The following GABBR2 variants were observed in gnomAD, a reference collection of about 807,000 sequenced individuals.
GABBR2 encodes the protein G-protein coupled receptor 51.
A neutral mutation model predicts 105.6 loss-of-function variants in GABBR2; 23 were observed. That is an observed-to-expected ratio of 0.22 (90% CI 0.16 to 0.31). The LOEUF (loss-of-function observed/expected upper bound fraction) is 0.31, where lower values mean the gene tolerates loss of function less well. GABBR2 is among the 10% of genes least tolerant of loss of function. The pLI, the probability that GABBR2 is intolerant of heterozygous loss-of-function variation, is 1.00. For missense variants in GABBR2, 734 were observed against 1,245.5 expected (o/e 0.59, Z 6.18); for synonymous variants, 478 against 499.7 (o/e 0.96, Z 0.58).
chr9:98,323,870 C>T (rs989501826), intron 13 of GABBR2, among the ~76,000 whole-genome samples: 3 of 152,184 alleles, frequency 2.0e-5, no homozygotes, highest in African/African-American at 7.2e-5. Context: ...AACTAGAGTG[C>T]GAAGATTCTC....
chr9:98,601,971 G>C (rs1191358629), intron 1 of GABBR2, among the ~76,000 whole-genome samples: 1 of 152,154 alleles, frequency 6.6e-6, no homozygotes, highest in Admixed American at 6.5e-5. Flanking sequence ...GTTGGTTTTA[G>C]AAAGATTTTA....
At chr9:98,672,800 C>T (rs940119255) in intron 1 of GABBR2, among the ~76,000 whole-genome samples, 1 of 152,206 alleles carries the variant, frequency 6.6e-6, no homozygotes, top group African/African-American at 2.4e-5. Context: ...ATTTCGGGCA[C>T]TTGATATTCC....
chr9:98,660,966 C>T (rs1830252060), intron 1 of GABBR2, among the ~76,000 whole-genome samples: 1 of 152,190 alleles, frequency 6.6e-6, no homozygotes, highest in Non-Finnish European at 1.5e-5. Context: ...AGTGCAATGG[C>T]ACAATCTCAG....
intron 1 of GABBR2, among the ~76,000 whole-genome samples, chr9:98,632,443 A>G (rs1829827033): frequency 1.3e-5 from 2 of 152,140 alleles, no homozygotes; most frequent in South Asian, 4.1e-4. Context: ...CCTCCCCTTG[A>G]GTGGTGGGTT....
At chr9:98,381,798 T>G (rs1831981411) in intron 11 of GABBR2, among the ~76,000 whole-genome samples, 1 of 152,194 alleles carries the variant, frequency 6.6e-6, no homozygotes, top group Non-Finnish European at 1.5e-5. Flanking sequence ...CGCTTTATGA[T>G]TTATTCATAT....
chr9:98,409,571 G>A (rs1832548834), intron 7 of GABBR2, among the ~76,000 whole-genome samples: 1 of 152,174 alleles, frequency 6.6e-6, no homozygotes, highest in Non-Finnish European at 1.5e-5. Context: ...CCAGGATGGA[G>A]GCCCTCCTCC....
chr9:98,420,676 A>C (rs2131553876), intron 7 of GABBR2, among the ~76,000 whole-genome samples: 1 of 152,320 alleles, frequency 6.6e-6, no homozygotes, highest in South Asian at 2.1e-4. Context: ...TATCCAGCCC[A>C]GGCTCACAGA....
intron 7 of GABBR2, among the ~76,000 whole-genome samples, chr9:98,407,357 C>T (rs1040987147): frequency 1.1e-4 from 17 of 152,116 alleles, no homozygotes; most frequent in African/African-American, 2.4e-4. Context: ...GATCCCAGAA[C>T]GAGAAACACC....
In GABBR2 at chr9:98,408,337, G is replaced by A. The variant is rs1832525593; in HGVS notation, c.1237-2196C>T. On this transcript the variant is annotated intron_variant, in intron 7 of 18. Coordinates refer to ENST00000259455, the MANE Select transcript of GABBR2 (RefSeq NM_005458.8). ...ATGAGAGAAAGTAGAGGGCTTCTGT[G>A]ACTGGGGTGACGAAGTGCTGATGGA... Among the ~76,000 whole-genome samples the A allele has an allele frequency of 2.0e-5, 3 of 152,220 alleles. No homozygotes were observed. In the South Asian group the frequency reaches 6.2e-4, roughly 32 times the overall value.
intron 2 of GABBR2, among the ~76,000 whole-genome samples, chr9:98,568,404 G>A (rs1439569208): frequency 6.6e-6 from 1 of 152,230 alleles, no homozygotes; most frequent in Non-Finnish European, 1.5e-5. Context: ...AGGCTCAGAA[G>A]AGCCAGCAAC....
At chr9:98,632,807 G>T (rs2131829758) in intron 1 of GABBR2, among the ~76,000 whole-genome samples, 1 of 152,266 alleles carries the variant, frequency 6.6e-6, no homozygotes, top group South Asian at 2.1e-4. Context: ...ATGATAAAAT[G>T]GTTGCTTTTA....
At chr9:98,407,769 T>G (rs747222674) in intron 7 of GABBR2, among the ~76,000 whole-genome samples, 4 of 152,220 alleles carry the variant, frequency 2.6e-5, no homozygotes, top group African/African-American at 4.8e-5. Flanking sequence ...GTGTGTGGAA[T>G]GGTATTCAAA....
chr9:98,590,193 T>C (rs777350950), intron 1 of GABBR2, among the ~76,000 whole-genome samples: 11 of 152,234 alleles, frequency 7.2e-5, no homozygotes, highest in Non-Finnish European at 1.6e-4. Context: ...TCCATAGCTC[T>C]GTCCCAAACA....
At chr9:98,590,964 C>G (rs1438423195) in intron 1 of GABBR2, among the ~76,000 whole-genome samples, 1 of 152,132 alleles carries the variant, frequency 6.6e-6, no homozygotes, top group Non-Finnish European at 1.5e-5. Flanking sequence ...AGAACCAGGT[C>G]TCATGGTAGA....
chr9:98,551,495 T>C (rs1437988457), intron 2 of GABBR2, among the ~76,000 whole-genome samples: 1 of 152,162 alleles, frequency 6.6e-6, no homozygotes, highest in Non-Finnish European at 1.5e-5. Context: ...GAAAAAACTG[T>C]GGCCCAGAAA....
chr9:98,405,770 GA>G (rs932777906), intron 8 of GABBR2, among the ~76,000 whole-genome samples: 7 of 151,812 alleles, frequency 4.6e-5, no homozygotes, highest in South Asian at 2.1e-4. Context: ...ATAACGACAA[GA>G]AAAAAAAGTC....
chr9:98,591,593 G>A (rs1337280167), intron 1 of GABBR2, among the ~76,000 whole-genome samples: 2 of 152,152 alleles, frequency 1.3e-5, no homozygotes, highest in African/African-American at 2.4e-5. Context: ...GGATGGCTTG[G>A]CAAGCAACTT....
At chr9:98,652,327 C>A (rs1394589714) in intron 1 of GABBR2, among the ~76,000 whole-genome samples, 1 of 152,178 alleles carries the variant, frequency 6.6e-6, no homozygotes, top group Non-Finnish European at 1.5e-5. Flanking sequence ...GAACTCCCTT[C>A]CTATGGCTCA....
chr9:98,480,093 C>T lies in GABBR2; in HGVS notation c.798+839G>A, dbSNP rs542108383. Among the ~76,000 whole-genome samples the T allele has an allele frequency of 3.3e-5, 5 of 152,242 alleles. No individual in the cohort carries two copies. In the South Asian group the frequency reaches 8.3e-4, roughly 25 times the overall value. On this transcript the variant is annotated intron_variant, in intron 5 of 18. Coordinates refer to ENST00000259455, the MANE Select transcript of GABBR2 (RefSeq NM_005458.8). ...TACTGACAAAAAGATCAGAGATCTGCGGCCCGTCACCAGACACTACGCCTA... is the reference window on the plus strand; with the variant it reads ...TACTGACAAAAAGATCAGAGATCTGTGGCCCGTCACCAGACACTACGCCTA...
Sources: allele counts gnomAD v4.1 joint callset (sites outside exome capture counted in the v4.1 genomes callset), GRCh38; gene constraint gnomAD v4.1.1; transcripts MANE v1.5; gene names NCBI Gene and HGNC (gene_info 2026-07-23, HGNC 2026-07-21).